Variants in PSMG2 observed in about 807,000 individuals in gnomAD.
PSMG2 encodes CD40 ligand-activated specific transcript 3.
A neutral mutation model predicts 31.5 loss-of-function variants in PSMG2; 21 were observed. The ratio of observed to expected loss-of-function variants is 0.67; its 90% CI spans 0.47 to 0.96. The LOEUF (loss-of-function observed/expected upper bound fraction) is 0.96, where lower values mean the gene tolerates loss of function less well. Ranked by LOEUF, PSMG2 falls within the 40% of genes least tolerant of loss-of-function variation. The probability of loss-of-function intolerance (pLI) is 0.00; values close to 1 mark genes in which losing one functional copy is unlikely to be tolerated. For synonymous variants in PSMG2, 120 were observed against 110.4 expected (o/e 1.09, Z -0.54); for missense variants, 318 against 321.2 (o/e 0.99, Z 0.08).
At chr18:12,671,762 T>C (rs192563003) in intron 1 of PSMG2, among the ~76,000 whole-genome samples, 1 of 149,778 alleles carries the variant, frequency 6.7e-6, no homozygotes, top group Admixed American at 6.8e-5. Context: ...CGCCTCAGAC[T>C]CCCGAGTAGC....
chr18:12,722,150 A>G (rs2040437006), intron 5 of PSMG2, among the ~76,000 whole-genome samples: 2 of 152,090 alleles, frequency 1.3e-5, no homozygotes, highest in Admixed American at 6.6e-5. Context: ...TTACCAATCA[A>G]TCCTCCTAAA....
At chr18:12,688,115 C>T (rs747224633) in intron 1 of PSMG2, among the ~76,000 whole-genome samples, 14 of 151,208 alleles carry the variant, frequency 9.3e-5, no homozygotes, top group Non-Finnish European at 2.1e-4. Flanking sequence ...CATGTGGTCC[C>T]AGCAACTTAG....
intron 1 of PSMG2, among the ~76,000 whole-genome samples, chr18:12,671,455 TA>T (rs1420217844): frequency 1.3e-5 from 2 of 151,668 alleles, no homozygotes; most frequent in South Asian, 2.1e-4. Flanking sequence ...ATAAAAAACT[TA>T]AAAAAAATGA....
At chr18:12,671,086 T>C (rs1300514120) in intron 1 of PSMG2, 5 of 151,200 alleles carry the variant, frequency 3.3e-5, no homozygotes, top group Non-Finnish European at 7.4e-5. Context: ...GAATATTTAT[T>C]ATACATAAAA....
chr18:12,667,187 A>C (rs1034408235), intron 1 of PSMG2, among the ~76,000 whole-genome samples: 1 of 152,232 alleles, frequency 6.6e-6, no homozygotes, highest in African/African-American at 2.4e-5. Flanking sequence ...TGGGCTGGGC[A>C]TGGTGGCTCA....
At chr18:12,716,800 A>G (rs1054069761) in intron 3 of PSMG2, among the ~76,000 whole-genome samples, 1 of 151,966 alleles carries the variant, frequency 6.6e-6, no homozygotes, top group Non-Finnish European at 1.5e-5. Flanking sequence ...ACAAACCTAT[A>G]AGACAGATAC....
intron 2 of PSMG2, among the ~76,000 whole-genome samples, chr18:12,710,241 C>G (rs917328608): frequency 2.6e-5 from 4 of 152,172 alleles, no homozygotes; most frequent in African/African-American, 9.7e-5. Context: ...CACGCCCGCC[C>G]CTTTTAAAGC....
chr18:12,724,571 AG>A lies in PSMG2; in HGVS notation c.656del (p.Gly219ValfsTer78), dbSNP rs867650271. 2.5e-6 allele frequency: 4 copies of A among 1,611,762 alleles called. No homozygotes were observed. The African/African-American group carries it at 5.3e-5, about 22-fold the overall frequency. On this transcript the variant is annotated frameshift_variant, in exon 6 of 7. Coordinates refer to ENST00000317615, the MANE Select transcript of PSMG2 (RefSeq NM_020232.5). LOFTEE classifies it high-confidence loss of function. ...SEGDNIPDAL[G>X]LVEYLNEWLQ... is the part of the protein sequence containing the mutation. ...AAGGGGACAACATCCCAGATGCATT[AG>A]GTCTTGTTGAGTATCTTAATGAGTG...
intron 3 of PSMG2, among the ~76,000 whole-genome samples, chr18:12,715,077 C>T (rs1192205840): frequency 1.3e-5 from 2 of 151,854 alleles, no homozygotes; most frequent in Admixed American, 6.6e-5. Context: ...GGTGCAATCT[C>T]AGCTCACTGC....
Position 12,687,333 on chromosome 18 carries a change from A to G in PSMG2, c.-36-19217A>G, listed in dbSNP as rs79820370. ...AATATAGTCCCATACTTTAGCAAGG[A>G]AAAAAAAACTCACTTATTTACATTT... On this transcript the variant is annotated intron_variant, in intron 1 of 6. Coordinates refer to the PSMG2 transcript ENST00000585331. Among the ~76,000 whole-genome samples the G allele has an allele frequency of 1.5e-3, 225 of 151,868 alleles. 1 individual carries two copies. Among genetic ancestry groups the G allele is most frequent in the African/African-American group, 5.1e-3 (210 of 41,410 alleles).
intron 2 of PSMG2, among the ~76,000 whole-genome samples, chr18:12,706,952 CTT>C (rs111502634): frequency 2.0e-4 from 30 of 149,052 alleles, no homozygotes; most frequent in African/African-American, 5.4e-4. Context: ...ATACTTGTAT[CTT>C]TTTTTTTTTT....
chr18:12,678,359 CAA>C, intron 1 of PSMG2: 1 of 1,614,174 alleles, frequency 6.2e-7, no homozygotes, highest in Non-Finnish European at 8.5e-7. Flanking sequence ...GTTGAAAACA[CAA>C]CCAATTGTTC....
chr18:12,718,012 CTT>C (rs71174131), intron 3 of PSMG2, among the ~76,000 whole-genome samples: 46,518 of 135,920 alleles, frequency 0.34, 7,698 homozygotes, highest in Non-Finnish European at 0.43. Flanking sequence ...TTTCTTTTTT[CTT>C]TTTTTTTTTT....
At chr18:12,697,256 C>T (rs370855283) in intron 1 of PSMG2, 2 of 1,613,676 alleles carry the variant, frequency 1.2e-6, no homozygotes, top group Non-Finnish European at 1.7e-6. Flanking sequence ...AGACTGGTCA[C>T]TCCATTTTCT....
chr18:12,691,610 T>G lies in PSMG2; in HGVS notation c.-36-14940T>G, dbSNP rs1318150163. The stretch of plus-strand genomic sequence containing the variant: ...CCTAATCTGAGTCATCATCATCTTC[T>G]ATAAGAGCCTCCTGACTTCCCTATT... On this transcript the variant is annotated intron_variant, in intron 1 of 6. Coordinates refer to the PSMG2 transcript ENST00000585331. The G allele has an allele frequency of 6.1e-6, 4 of 653,682 alleles. No homozygotes were observed. In the East Asian group the frequency reaches 1.2e-4, roughly 19 times the overall value. The allele number at this position is 653,682 out of a possible 1,614,324, so 40.5% of individuals were successfully genotyped here. A position where few individuals can be genotyped will look rare whatever the true frequency, so the allele number is the denominator to read the frequency against.
chr18:12,700,259 A>T, upstream of PSMG2: 1 of 162,566 alleles, frequency 6.2e-6, no homozygotes. Context: ...ATAAAGTGTC[A>T]TCACAGAGTA....
intron 1 of PSMG2, chr18:12,672,672 G>C: frequency 1.0e-6 from 1 of 980,022 alleles, no homozygotes; most frequent in Non-Finnish European, 1.2e-6. Flanking sequence ...ATAACAAAGA[G>C]GTATAATAAA....
At chr18:12,664,844 G>A (rs1478015826) in intron 1 of PSMG2, among the ~76,000 whole-genome samples, 3 of 151,540 alleles carry the variant, frequency 2.0e-5, no homozygotes, top group Admixed American at 6.6e-5. Flanking sequence ...GATTACAGGC[G>A]CCCGTCACCA....
rs750245852 is a variant in PSMG2, at chr18:12,691,437, T to C, written c.-36-15113T>C. 1.3e-5 allele frequency: 21 copies of C among 1,609,318 alleles called. No homozygotes were observed. The South Asian group carries it at 2.0e-4, about 15-fold the overall frequency. The stretch of plus-strand genomic sequence containing the variant: ...ATTCTCTCCACCACTGCTTAGCATA[T>C]ACAAGAAATAATCGCTCTTTCTCTG... On this transcript the variant is annotated intron_variant, in intron 1 of 6. Coordinates refer to the PSMG2 transcript ENST00000585331.
Sources: allele counts gnomAD v4.1 joint callset (sites outside exome capture counted in the v4.1 genomes callset), GRCh38; gene constraint gnomAD v4.1.1; transcripts MANE v1.5; gene names NCBI Gene and HGNC (gene_info 2026-07-23, HGNC 2026-07-21).